Variants in CTNND2 observed in about 807,000 individuals in gnomAD.
CTNND2 encodes catenin delta-2.
Under a neutral mutation model 144.4 loss-of-function variants are expected in CTNND2, and 22 were observed. The observed-to-expected ratio is 0.15, with a 90% confidence interval of 0.11 to 0.22. The LOEUF (loss-of-function observed/expected upper bound fraction) is 0.22. CTNND2 is among the 10% of genes least tolerant of loss of function. CTNND2 has a pLI of 1.00. For synonymous variants in CTNND2, 751 were observed against 695.6 expected (o/e 1.08, Z -1.25); for missense variants, 1,353 against 1,618.8 (o/e 0.84, Z 2.82).
chr5:11,827,891 A>C (rs1417824875), intron 1 of CTNND2, among the ~76,000 whole-genome samples: 1 of 152,226 alleles, frequency 6.6e-6, no homozygotes, highest in Non-Finnish European at 1.5e-5. Flanking sequence ...AAAATATAGA[A>C]GGAACTGAAC....
At chr5:11,599,617 T>C (rs765839351) in intron 2 of CTNND2, among the ~76,000 whole-genome samples, 4 of 152,166 alleles carry the variant, frequency 2.6e-5, no homozygotes, top group African/African-American at 9.7e-5. Flanking sequence ...TGCTAGTTCT[T>C]AAAATCCCAA....
intron 3 of CTNND2, among the ~76,000 whole-genome samples, chr5:11,474,712 T>C (rs1767557871): frequency 6.6e-6 from 1 of 152,202 alleles, no homozygotes; most frequent in African/African-American, 2.4e-5. Flanking sequence ...GAAATACTTT[T>C]GAAAACCATG....
chr5:11,754,952 T>A (rs1461246596), intron 1 of CTNND2, among the ~76,000 whole-genome samples: 2 of 151,800 alleles, frequency 1.3e-5, no homozygotes, highest in African/African-American at 4.8e-5. Flanking sequence ...AATGTTACTA[T>A]TGATATGTAC....
intron 17 of CTNND2, among the ~76,000 whole-genome samples, chr5:11,022,446 G>C (rs976173169): frequency 1.3e-5 from 2 of 152,146 alleles, no homozygotes; most frequent in Non-Finnish European, 2.9e-5. Context: ...GAGCTGAAGA[G>C]GCACAGAGCA....
intron 1 of CTNND2, among the ~76,000 whole-genome samples, chr5:11,875,272 A>G (rs1260384781): frequency 6.6e-6 from 1 of 152,190 alleles, no homozygotes; most frequent in Non-Finnish European, 1.5e-5. Flanking sequence ...CCCTCTTCCT[A>G]CAACCTCAAT....
chr5:11,817,512 C>T (rs928804040), intron 1 of CTNND2, among the ~76,000 whole-genome samples: 2 of 149,574 alleles, frequency 1.3e-5, no homozygotes, highest in Admixed American at 6.7e-5. Flanking sequence ...ATAGCACCAA[C>T]ACAACCCCAT....
At chr5:11,406,767 G>A (rs1761133108) in intron 5 of CTNND2, among the ~76,000 whole-genome samples, 1 of 151,834 alleles carries the variant, frequency 6.6e-6, no homozygotes. Context: ...TAACATATAC[G>A]ATTGATTCCT....
chr5:11,697,593 G>A (rs765008472), intron 2 of CTNND2, among the ~76,000 whole-genome samples: 5 of 152,100 alleles, frequency 3.3e-5, no homozygotes, highest in Admixed American at 1.3e-4. Flanking sequence ...CAAGAACCCC[G>A]CCTTATGAGG....
intron 16 of CTNND2, among the ~76,000 whole-genome samples, chr5:11,037,720 T>C (rs1744243360): frequency 6.6e-6 from 1 of 152,246 alleles, no homozygotes; most frequent in South Asian, 2.1e-4. Context: ...GTTATGCTTA[T>C]AAAGACTAGA....
At chr5:11,476,337 T>C (rs774167995) in intron 3 of CTNND2, among the ~76,000 whole-genome samples, 14 of 152,188 alleles carry the variant, frequency 9.2e-5, no homozygotes, top group Non-Finnish European at 2.1e-4. Context: ...ATTTACTAGG[T>C]GCCAGGCAAC....
chr5:11,706,538 A>G lies in CTNND2; in HGVS notation c.174+25598T>C, dbSNP rs1023236672. ...GATAAGCACCACCAAATCAAGATAC[A>G]GAGTGCGTCATCACACTAAAGAGTA... On this transcript the variant is annotated intron_variant, in intron 2 of 21. Coordinates refer to ENST00000304623, the MANE Select transcript of CTNND2 (RefSeq NM_001332.4). 3.9e-5 allele frequency among the ~76,000 whole-genome samples: 6 copies of G among 152,330 alleles called. No individual in the cohort carries two copies. The South Asian group carries it at 1.0e-3, about 26-fold the overall frequency.
chr5:11,465,469 C>T (rs1766582722), intron 3 of CTNND2, among the ~76,000 whole-genome samples: 1 of 152,158 alleles, frequency 6.6e-6, no homozygotes, highest in African/African-American at 2.4e-5. Context: ...GGCATTCTCA[C>T]ATGATCGATG....
chr5:11,216,868 A>G (rs1013665529), intron 10 of CTNND2, among the ~76,000 whole-genome samples: 3 of 152,228 alleles, frequency 2.0e-5, no homozygotes, highest in East Asian at 1.9e-4. Flanking sequence ...TGCTCCCTCC[A>G]GGAGGTTGTA....
intron 2 of CTNND2, among the ~76,000 whole-genome samples, chr5:11,671,102 C>T (rs1783854692): frequency 6.6e-6 from 1 of 152,162 alleles, no homozygotes; most frequent in Non-Finnish European, 1.5e-5. Context: ...TGAATACTGG[C>T]CCCCCATCTC....
At chr5:11,406,119 C>T (rs1302315341) in intron 5 of CTNND2, among the ~76,000 whole-genome samples, 1 of 152,168 alleles carries the variant, frequency 6.6e-6, no homozygotes, top group Non-Finnish European at 1.5e-5. Context: ...TGCACACCAG[C>T]CTGGGCAACA....
At chr5:11,721,009 T>C in intron 2 of CTNND2, among the ~76,000 whole-genome samples, 1 of 152,140 alleles carries the variant, frequency 6.6e-6, no homozygotes, top group East Asian at 1.9e-4. Flanking sequence ...CACAAACTTG[T>C]ACACAAATAT....
intron 1 of CTNND2, among the ~76,000 whole-genome samples, chr5:11,859,076 A>G (rs1795382266): frequency 6.6e-6 from 1 of 152,250 alleles, no homozygotes; most frequent in Non-Finnish European, 1.5e-5. Flanking sequence ...TGGTCAAGTC[A>G]CAAGGCTAAT....
At chr5:11,010,970 T>A (rs1741013599) in intron 18 of CTNND2, among the ~76,000 whole-genome samples, 1 of 152,252 alleles carries the variant, frequency 6.6e-6, no homozygotes, top group Admixed American at 6.5e-5. Flanking sequence ...AAATATGATC[T>A]TACTCTGTTT....
intron 12 of CTNND2, among the ~76,000 whole-genome samples, chr5:11,152,388 T>C (rs1757819799): frequency 6.6e-6 from 1 of 152,358 alleles, no homozygotes; most frequent in East Asian, 1.9e-4. Flanking sequence ...CAGGACAGTG[T>C]TGTGCTATAC....
Sources: allele counts gnomAD v4.1 joint callset (sites outside exome capture counted in the v4.1 genomes callset), GRCh38; gene constraint gnomAD v4.1.1; transcripts MANE v1.5; gene names NCBI Gene and HGNC (gene_info 2026-07-23, HGNC 2026-07-21).